Variants in MKLN1 observed in about 807,000 individuals in gnomAD.
MKLN1 encodes the protein muskelin.
A neutral mutation model predicts 99.0 loss-of-function variants in MKLN1; 18 were observed. The observed-to-expected ratio is 0.18, with a 90% CI of 0.13 to 0.27. The LOEUF (loss-of-function observed/expected upper bound fraction) is 0.27. Among genes scored for constraint, MKLN1 ranks in the 10% least tolerant of loss-of-function variants. MKLN1 has a pLI of 1.00. For synonymous variants in MKLN1, 288 were observed against 293.2 expected, an observed-to-expected ratio of 0.98 and a Z score of 0.18; for missense variants, 621 against 875.9, an observed-to-expected ratio of 0.71 and a Z score of 3.67.
At chr7:131,460,624 T>A (rs1352127068) in intron 12 of MKLN1, among the ~76,000 whole-genome samples, 1 of 152,240 alleles carries the variant, frequency 6.6e-6, no homozygotes. Flanking sequence ...ACTTCTTCTC[T>A]TTGTATCCGA....
chr7:131,328,096 C>T (rs1026356413), intron 1 of MKLN1, 99 bp downstream of exon 1: 6 of 1,445,672 alleles, frequency 4.2e-6, no homozygotes, highest in Admixed American at 4.1e-5. Flanking sequence ...GAGGCCCAGG[C>T]GGGGCCTGCT....
At chr7:131,375,728 C>T (rs1793625087) in intron 2 of MKLN1, among the ~76,000 whole-genome samples, 1 of 151,986 alleles carries the variant, frequency 6.6e-6, no homozygotes, top group East Asian at 1.9e-4. Flanking sequence ...TCTACCAGAA[C>T]AGTTACGCTC....
intron 15 of MKLN1, among the ~76,000 whole-genome samples, chr7:131,467,185 G>A (rs1227328364): frequency 6.6e-6 from 1 of 152,122 alleles, no homozygotes; most frequent in South Asian, 2.1e-4. Flanking sequence ...GCTAGACCCT[G>A]TATATTATTC....
At chr7:131,130,750 A>T (rs1795537336) in intron 1 of MKLN1, among the ~76,000 whole-genome samples, 1 of 152,170 alleles carries the variant, frequency 6.6e-6, no homozygotes. Flanking sequence ...AGATAAAATG[A>T]TTACACACAC....
intron 3 of MKLN1, among the ~76,000 whole-genome samples, chr7:131,250,465 C>T (rs997713194): frequency 6.6e-6 from 1 of 152,058 alleles, no homozygotes; most frequent in Admixed American, 6.6e-5. Context: ...CTTGCAGGAC[C>T]GAGGCTGCAG....
intron 2 of MKLN1, among the ~76,000 whole-genome samples, chr7:131,177,223 A>C (rs1796311649): frequency 6.6e-6 from 1 of 152,152 alleles, no homozygotes; most frequent in South Asian, 2.1e-4. Flanking sequence ...TAATCCCAGC[A>C]CTTTGGGAGG....
At position 131,129,452 on chromosome 7, in the gene MKLN1, T is replaced by C. The variant is rs567265984; in HGVS notation, c.-418-13368T>C. ...AGCATTCTTTATAATATTAAATACT[T>C]AGAGATAACAAATGTCCAAAAAGAA... is the stretch of plus-strand genomic sequence containing the variant. On this transcript the variant is annotated intron_variant, in intron 1 of 7. Coordinates refer to the MKLN1 transcript ENST00000416992. Among the ~76,000 whole-genome samples, 154 of 152,318 alleles carry C rather than the reference T, an allele frequency of 1.0e-3. 1 individual carries two copies. The highest frequency in any genetic ancestry group is 3.6e-3 in the African/African-American group (150 of 41,590).
intron 1 of MKLN1, among the ~76,000 whole-genome samples, chr7:131,128,247 G>A (rs1795494127): frequency 6.7e-6 from 1 of 149,520 alleles, no homozygotes; most frequent in African/African-American, 2.5e-5. Context: ...GGAAAAACAT[G>A]TGGCCAGGAA....
chr7:131,347,493 A>AC (rs1799598802), intron 1 of MKLN1, among the ~76,000 whole-genome samples: 2 of 152,260 alleles, frequency 1.3e-5, no homozygotes, highest in African/African-American at 4.8e-5. Context: ...CCAAACAAAA[A>AC]CAAAAAAAAC....
intron 2 of MKLN1, among the ~76,000 whole-genome samples, chr7:131,201,561 T>A (rs1209972363): frequency 6.6e-6 from 1 of 152,344 alleles, no homozygotes; most frequent in East Asian, 1.9e-4. Flanking sequence ...TACTGGGTAA[T>A]TCATCTAACA....
Position 131,438,035 on chromosome 7 carries a change from G to A in MKLN1, c.1173+38G>A, listed in dbSNP as rs772509496. On this transcript the variant is annotated intron_variant, in intron 10 of 17. Coordinates refer to ENST00000352689, the MANE Select transcript of MKLN1 (RefSeq NM_013255.5). ...GTTAAATATATGATGGAATTAATCA[G>A]TGCTTAGTGATTCTTGCAATTAGAG... The A allele has an allele frequency of 1.2e-5, 17 of 1,454,090 alleles. No homozygotes were observed. In the South Asian group the frequency reaches 1.8e-4, roughly 16 times the overall value. 90.1% of individuals were successfully genotyped at this position (1,454,090 alleles called of 1,614,324 possible).
chr7:131,305,971 G>A (rs1798459300), intron 3 of MKLN1, among the ~76,000 whole-genome samples: 1 of 152,148 alleles, frequency 6.6e-6, no homozygotes, highest in Non-Finnish European at 1.5e-5. Context: ...CACGTGTCAG[G>A]GAAAGGACCT....
chr7:131,394,310 A>T (rs1357882474), intron 4 of MKLN1, among the ~76,000 whole-genome samples: 1 of 152,006 alleles, frequency 6.6e-6, no homozygotes, highest in Non-Finnish European at 1.5e-5. Context: ...AACCTTTTTG[A>T]CACCAGCGAC....
chr7:131,285,676 A>C (rs1048477130), intron 3 of MKLN1, among the ~76,000 whole-genome samples: 13 of 152,198 alleles, frequency 8.5e-5, no homozygotes, highest in Non-Finnish European at 1.8e-4. Flanking sequence ...TGTAGATACA[A>C]TAGGGCTGAG....
At chr7:131,339,566 G>A (rs956118382) in intron 1 of MKLN1, among the ~76,000 whole-genome samples, 21 of 152,092 alleles carry the variant, frequency 1.4e-4, no homozygotes, top group African/African-American at 5.1e-4. Context: ...GGATGTGTTG[G>A]TGCATGCCTG....
chr7:131,355,029 C>T (rs1375910663), intron 1 of MKLN1, among the ~76,000 whole-genome samples: 2 of 152,236 alleles, frequency 1.3e-5, no homozygotes, highest in East Asian at 3.9e-4. Flanking sequence ...AATCCTACTG[C>T]GTGGCCTCCC....
chr7:131,162,344 C>T (rs1000240203), intron 2 of MKLN1, among the ~76,000 whole-genome samples: 4 of 152,222 alleles, frequency 2.6e-5, no homozygotes, highest in East Asian at 1.9e-4. Context: ...TGAACCAACA[C>T]GCTCATGGTG....
At chr7:131,194,810 T>C (rs560443499) in intron 2 of MKLN1, among the ~76,000 whole-genome samples, 7 of 152,326 alleles carry the variant, frequency 4.6e-5, no homozygotes, top group African/African-American at 1.7e-4. Context: ...TTAAAACTGC[T>C]AAAATAAAGT....
chr7:131,124,861 C>T (rs538211999), intron 1 of MKLN1, among the ~76,000 whole-genome samples: 149 of 152,318 alleles, frequency 9.8e-4, no homozygotes, highest in Non-Finnish European at 1.7e-3. Flanking sequence ...GGGACATATG[C>T]GCCTTCCCCT....
Sources: gnomAD v4.1 joint callset for allele counts (sites outside exome capture counted in the v4.1 genomes callset) on GRCh38, gnomAD v4.1.1 for gene constraint, MANE v1.5 for transcripts, NCBI Gene and HGNC (gene_info 2026-07-23, HGNC 2026-07-21) for gene names.